Variants in EIPR1 observed in about 807,000 individuals in gnomAD.
EIPR1 encodes the protein EARP complex and GARP complex interacting protein 1.
Under a neutral mutation model 48.1 loss-of-function variants are expected in EIPR1, and 25 were observed. The ratio of observed to expected loss-of-function variants is 0.52; its 90% confidence interval spans 0.38 to 0.73. EIPR1 has a LOEUF of 0.73. EIPR1 is among the 30% of genes least tolerant of loss of function. The pLI is 0.00. For missense variants in EIPR1, 415 were observed against 506.2 expected (o/e 0.82, Z 1.73); for synonymous variants, 204 against 201.9 (o/e 1.01, Z -0.09).
Position 3,271,622 on chromosome 2 carries a change from G to C in EIPR1, c.260-14167C>G, listed in dbSNP as rs781404873. Among the ~76,000 whole-genome samples, 42 of 152,262 alleles carry C rather than the reference G, an allele frequency of 2.8e-4. 1 individual carries two copies. Among genetic ancestry groups the C allele is most frequent in the Non-Finnish European group, 4.6e-4 (31 of 68,010 alleles). On this transcript the variant is annotated intron_variant, in intron 3 of 8. Transcript: ENST00000382125. ...GTCTCTGAGCAGTAGGTCTCAACAGGGGGCTTAAAACATTCACTAAACCAT... is the reference window on the plus strand; with the variant it reads ...GTCTCTGAGCAGTAGGTCTCAACAGCGGGCTTAAAACATTCACTAAACCAT...
chr2:3,345,442 C>T (rs964226353), intron 2 of EIPR1, among the ~76,000 whole-genome samples: 17 of 151,058 alleles, frequency 1.1e-4, no homozygotes, highest in Admixed American at 2.0e-4. Context: ...CTGGCCAACA[C>T]GGTGAAACCC....
At chr2:3,353,083 T>C in intron 2 of EIPR1, 1 of 382,956 alleles carries the variant, frequency 2.6e-6, no homozygotes, top group Non-Finnish European at 5.3e-6. Flanking sequence ...CTTTCATAAC[T>C]AATAATCATT....
chr2:3,198,529 G>A (rs189941982), intron 5 of EIPR1, among the ~76,000 whole-genome samples: 81 of 152,268 alleles, frequency 5.3e-4, no homozygotes, highest in African/African-American at 1.9e-3. Context: ...GCAGAGCCTT[G>A]TTATCGGGGG....
At chr2:3,217,847 CCA>C (rs1665689854) in intron 4 of EIPR1, among the ~76,000 whole-genome samples, 1 of 152,188 alleles carries the variant, frequency 6.6e-6, no homozygotes, top group African/African-American at 2.4e-5. Flanking sequence ...CTGATACACC[CCA>C]CAGAGTGTGA....
At position 3,241,639 on chromosome 2, in the gene EIPR1, A is replaced by T. The variant is rs1050396966; in HGVS notation, c.416+15660T>A. On this transcript the variant is annotated intron_variant, in intron 4 of 8. Transcript: ENST00000382125. ...CCCACTGAATTGGAGAGGACATAAA[A>T]CGATATGAACAAGTCAGGAACTAGG... 2.6e-5 allele frequency among the ~76,000 whole-genome samples: 4 copies of T among 152,174 alleles called. No homozygotes were observed. In the East Asian group the frequency reaches 5.8e-4, roughly 22 times the overall value.
chr2:3,362,402 A>C (rs1670872757), intron 1 of EIPR1, among the ~76,000 whole-genome samples: 1 of 143,970 alleles, frequency 6.9e-6, no homozygotes, highest in Non-Finnish European at 1.5e-5. Flanking sequence ...TCCTCTCCCC[A>C]TTCGGTGCTT....
intron 3 of EIPR1, chr2:3,262,257 C>CAG (rs1335318965): frequency 6.6e-6 from 1 of 152,326 alleles, no homozygotes; most frequent in Admixed American, 6.5e-5. Context: ...ATAGTCCAAA[C>CAG]AGACCTGGGC....
At chr2:3,217,500 CAAAT>C (rs1665678355) in intron 4 of EIPR1, among the ~76,000 whole-genome samples, 1 of 152,086 alleles carries the variant, frequency 6.6e-6, no homozygotes, top group Admixed American at 6.5e-5. Flanking sequence ...TGTCAATTAA[CAAAT>C]AAAAACATTA....
At chr2:3,287,213 C>G (rs1272777788) in intron 3 of EIPR1, among the ~76,000 whole-genome samples, 1 of 71,434 alleles carries the variant, frequency 1.4e-5, no homozygotes, top group Non-Finnish European at 3.3e-5. Context: ...CACCACGCTC[C>G]AGAAAGCTCG....
intron 3 of EIPR1, among the ~76,000 whole-genome samples, chr2:3,279,384 G>T (rs1558269316): frequency 6.6e-6 from 1 of 152,212 alleles, no homozygotes; most frequent in Non-Finnish European, 1.5e-5. Flanking sequence ...GGAATAGTCT[G>T]TCACCTTGAG....
intron 2 of EIPR1, among the ~76,000 whole-genome samples, chr2:3,345,141 G>T (rs781664096): frequency 6.6e-6 from 1 of 152,106 alleles, no homozygotes; most frequent in Non-Finnish European, 1.5e-5. Flanking sequence ...CAAGGGCTGC[G>T]GGGGAGGCTG....
intron 5 of EIPR1, among the ~76,000 whole-genome samples, chr2:3,202,147 C>T (rs1314301777): frequency 6.6e-6 from 1 of 152,134 alleles, no homozygotes; most frequent in Non-Finnish European, 1.5e-5. Context: ...CCATGTTAGC[C>T]AGGATGGTCT....
At chr2:3,284,434 A>C in intron 3 of EIPR1, among the ~76,000 whole-genome samples, 1 of 120,142 alleles carries the variant, frequency 8.3e-6, no homozygotes, top group Non-Finnish European at 1.8e-5. Context: ...GAGGCCACCC[A>C]CAGGCACAGA....
chr2:3,323,201 T>G (rs1469388674), intron 3 of EIPR1, among the ~76,000 whole-genome samples: 1 of 152,004 alleles, frequency 6.6e-6, no homozygotes, highest in African/African-American at 2.4e-5. Flanking sequence ...TGATTCCATA[T>G]AGGCGTGTCA....
intron 4 of EIPR1, among the ~76,000 whole-genome samples, chr2:3,244,261 T>A (rs1243315521): frequency 6.6e-6 from 1 of 152,212 alleles, no homozygotes; most frequent in African/African-American, 2.4e-5. Context: ...TTGGTCTCCT[T>A]TTTCTTCTAC....
In EIPR1 at chr2:3,286,152, C is replaced by T. The variant is rs1405381499; in HGVS notation, c.260-28697G>A. On this transcript the variant is annotated intron_variant, in intron 3 of 8. Transcript: ENST00000382125. This position sits in a 1 kb window ranked among gnomAD's most constrained non-coding sequence, Gnocchi z 4.2. The stretch of plus-strand genomic sequence containing the variant: ...AGCCCCCAGGCACATGGAGCAGACA[C>T]AAGCCACACCTGCTATCCCTGCCTG... Among the ~76,000 whole-genome samples, 1 of 152,214 alleles carries T rather than the reference C, an allele frequency of 6.6e-6. No homozygotes were observed. Among genetic ancestry groups the T allele is most frequent in the Admixed American group, 6.5e-5 (1 of 15,288 alleles).
chr2:3,363,837 A>T (rs1254966862), intron 1 of EIPR1, among the ~76,000 whole-genome samples: 3 of 151,388 alleles, frequency 2.0e-5, no homozygotes, highest in Admixed American at 6.6e-5. Flanking sequence ...TAAATCAATT[A>T]AAAAATGGGC....
At chr2:3,208,612 G>T (rs997778219) in intron 5 of EIPR1, 87 of 1,550,542 alleles carry the variant, frequency 5.6e-5, no homozygotes, top group Non-Finnish European at 7.1e-5. Context: ...AGTGTCTGTT[G>T]AATGAATTTG....
intron 3 of EIPR1, among the ~76,000 whole-genome samples, chr2:3,283,941 A>G (rs985611760): frequency 1.5e-5 from 2 of 136,854 alleles, no homozygotes; most frequent in African/African-American, 2.6e-5. Context: ...GCGAGACTAC[A>G]TCTAAAAAAA....
Sources: gnomAD v4.1 joint callset for allele counts (sites outside exome capture counted in the v4.1 genomes callset) on GRCh38, gnomAD v4.1.1 for gene constraint, Gnocchi (gnomAD v3.1) non-coding constraint, MANE v1.5 for transcripts, NCBI Gene and HGNC (gene_info 2026-07-23, HGNC 2026-07-21) for gene names.